The following EIF2B3 variants were observed in gnomAD, a reference collection of about 807,000 sequenced individuals.
The protein encoded by EIF2B3 is eukaryotic translation initiation factor 2B subunit gamma, also known as translation initiation factor eIF2B subunit gamma.
EIF2B3 carries 20 observed loss-of-function variants against 54.1 expected under a neutral mutation model. The ratio of observed to expected loss-of-function variants is 0.37; its 90% CI spans 0.26 to 0.54. The LOEUF (loss-of-function observed/expected upper bound fraction) is 0.54. EIF2B3 is among the 20% of genes least tolerant of loss of function. EIF2B3 has a pLI of 0.86. For synonymous variants in EIF2B3, 153 were observed against 188.1 expected (o/e 0.81, Z 1.52); for missense variants, 448 against 547.8 (o/e 0.82, Z 1.82).
intron 6 of EIF2B3, among the ~76,000 whole-genome samples, chr1:44,882,989 G>C (rs1655460566): frequency 6.9e-6 from 1 of 145,638 alleles, no homozygotes; most frequent in Non-Finnish European, 1.5e-5. Context: ...GAGTGTAGCG[G>C]TGCGATCTTG....
intron 5 of EIF2B3, among the ~76,000 whole-genome samples, chr1:44,912,573 C>T (rs1643537343): frequency 6.6e-6 from 1 of 152,152 alleles, no homozygotes; most frequent in Admixed American, 6.6e-5. Flanking sequence ...CCCACCTTTG[C>T]TCGTGGCATT....
chr1:44,958,634 T>C (rs990852676), intron 3 of EIF2B3: 10 of 1,564,360 alleles, frequency 6.4e-6, no homozygotes, highest in Non-Finnish European at 7.9e-6. Context: ...CATGGGTCAC[T>C]GCCTGCTCTC....
chr1:44,969,736 G>A lies in EIF2B3; in HGVS notation c.294+8579C>T, dbSNP rs77829768. On this transcript the variant is annotated intron_variant, in intron 3 of 11. Coordinates refer to ENST00000360403, the MANE Select transcript of EIF2B3 (RefSeq NM_020365.5). ...GGCAATGTTGATTACTTTTGTACAAGTTTTAAAATTTCCATATAAGAAGTT... is the reference window on the plus strand; with the variant it reads ...GGCAATGTTGATTACTTTTGTACAAATTTTAAAATTTCCATATAAGAAGTT... Among the ~76,000 whole-genome samples the A allele has an allele frequency of 1.8e-4, 28 of 152,234 alleles. No individual in the cohort carries two copies. The East Asian group carries it at 5.0e-3, about 27-fold the overall frequency.
intron 3 of EIF2B3, among the ~76,000 whole-genome samples, chr1:44,964,102 AAAG>A (rs1644312393): frequency 6.6e-6 from 1 of 151,344 alleles, no homozygotes; most frequent in Non-Finnish European, 1.5e-5. Flanking sequence ...GTTAGTATCA[AAAG>A]AAAAGCTCCA....
intron 3 of EIF2B3, among the ~76,000 whole-genome samples, chr1:44,966,969 C>T (rs1200924281): frequency 3.3e-5 from 5 of 151,890 alleles, no homozygotes; most frequent in Admixed American, 2.0e-4. Flanking sequence ...GCACACGCCA[C>T]TATGGCCAGC....
intron 3 of EIF2B3, among the ~76,000 whole-genome samples, chr1:44,942,418 T>TACACACATATATATATACA (rs1553177413): frequency 1.2e-4 from 1 of 8,100 alleles, no homozygotes; most frequent in Non-Finnish European, 2.1e-4. Context: ...TATATATATA[T>TACACACATATATATATACA]TTTTTTTTTT....
intron 2 of EIF2B3, among the ~76,000 whole-genome samples, chr1:44,980,105 T>C (rs1644497538): frequency 1.3e-5 from 2 of 152,096 alleles, no homozygotes; most frequent in Non-Finnish European, 2.9e-5. Context: ...CATCTAAATA[T>C]AGGACACCTC....
At chr1:44,851,252 A>T (rs1157592774) in intron 11 of EIF2B3, among the ~76,000 whole-genome samples, 1 of 152,052 alleles carries the variant, frequency 6.6e-6, no homozygotes. Flanking sequence ...TTTAGTAGAG[A>T]TGGGGTTTCA....
chr1:44,983,646 CG>C (rs1644538178), intron 1 of EIF2B3, among the ~76,000 whole-genome samples: 1 of 151,736 alleles, frequency 6.6e-6, no homozygotes, highest in African/African-American at 2.4e-5. Flanking sequence ...CCCAGGCGGG[CG>C]GATCACCTGA....
At position 44,850,872 on chromosome 1, in the gene EIF2B3, A is replaced by C; in HGVS notation, c.*79T>G. The C allele has an allele frequency of 6.6e-7, 1 of 1,513,270 alleles. No homozygotes were observed. Among genetic ancestry groups the C allele is most frequent in the East Asian group, 2.3e-5 (1 of 44,400 alleles). 93.7% of individuals were successfully genotyped at this position (1,513,270 alleles called of 1,614,324 possible). On this transcript the variant is annotated 3_prime_UTR_variant, in exon 12 of 12. Transcript: ENST00000360403. ...GGAAGCCCTTCTTTATTGGGAAATAAATACAGAGTTAAACAGGTGGGCCGG... is the reference window on the plus strand; with the variant it reads ...GGAAGCCCTTCTTTATTGGGAAATACATACAGAGTTAAACAGGTGGGCCGG...
At chr1:44,948,426 T>TC (rs1644125988) in intron 3 of EIF2B3, among the ~76,000 whole-genome samples, 1 of 152,094 alleles carries the variant, frequency 6.6e-6, no homozygotes, top group Non-Finnish European at 1.5e-5. Context: ...GCTCCAGTTT[T>TC]CCCTTATTCT....
At chr1:44,967,428 CAG>C (rs1644354480) in intron 3 of EIF2B3, among the ~76,000 whole-genome samples, 1 of 138,662 alleles carries the variant, frequency 7.2e-6, no homozygotes, top group South Asian at 2.3e-4. Context: ...GCGTGGGCAA[CAG>C]AGCGAGACTC....
chr1:44,886,781 C>T (rs1655600196), intron 6 of EIF2B3, among the ~76,000 whole-genome samples: 1 of 152,196 alleles, frequency 6.6e-6, no homozygotes, highest in Non-Finnish European at 1.5e-5. Context: ...ACGTCACTTC[C>T]TTTTTTTGTC....
intron 11 of EIF2B3, among the ~76,000 whole-genome samples, chr1:44,851,937 C>T (rs555234781): frequency 1.1e-3 from 165 of 149,624 alleles, no homozygotes; most frequent in Non-Finnish European, 1.9e-3. Context: ...GCCAGTAAGC[C>T]ATACTGTTTT....
intron 3 of EIF2B3, among the ~76,000 whole-genome samples, chr1:44,956,411 T>G (rs1642599155): frequency 6.6e-6 from 1 of 152,018 alleles, no homozygotes; most frequent in African/African-American, 2.4e-5. Flanking sequence ...AAATACCTAA[T>G]GTAGATGTGG....
intron 6 of EIF2B3, among the ~76,000 whole-genome samples, chr1:44,891,345 C>T (rs1655792415): frequency 6.6e-6 from 1 of 152,112 alleles, no homozygotes; most frequent in African/African-American, 2.4e-5. Context: ...TCCAGTGATC[C>T]TCCTGCCTAC....
rs545069738 is a variant in EIF2B3, at chr1:44,949,262, C to T, written c.295-7597G>A. 5.3e-5 allele frequency among the ~76,000 whole-genome samples: 8 copies of T among 152,266 alleles called. No individual in the cohort carries two copies. The East Asian group carries it at 7.7e-4, about 15-fold the overall frequency. Reference sequence around the variant, plus strand: ...TATATTTATCCATCAAAATTCAGGTCTTGTCACAGTTACTAGAAAGGGCAG... The same window carrying T: ...TATATTTATCCATCAAAATTCAGGTTTTGTCACAGTTACTAGAAAGGGCAG... On this transcript the variant is annotated intron_variant, in intron 3 of 11. Coordinates refer to ENST00000360403, the MANE Select transcript of EIF2B3 (RefSeq NM_020365.5).
At chr1:44,946,371 T>G (rs1420798427) in intron 3 of EIF2B3, among the ~76,000 whole-genome samples, 1 of 151,822 alleles carries the variant, frequency 6.6e-6, no homozygotes, top group Non-Finnish European at 1.5e-5. Context: ...TGTTGTCTGA[T>G]CAATTTCCAA....
chr1:44,973,510 C>A (rs1017155025), intron 3 of EIF2B3, among the ~76,000 whole-genome samples: 1 of 152,082 alleles, frequency 6.6e-6, no homozygotes, highest in Non-Finnish European at 1.5e-5. Flanking sequence ...CTAGCCTGGC[C>A]AACATGGCGA....
Sources: allele counts gnomAD v4.1 joint callset (sites outside exome capture counted in the v4.1 genomes callset), GRCh38; gene constraint gnomAD v4.1.1; transcripts MANE v1.5; gene names NCBI Gene and HGNC (gene_info 2026-07-23, HGNC 2026-07-21).